The following ADAM22 variants were observed in gnomAD, a reference collection of about 807,000 sequenced individuals.
ADAM22 encodes ADAM metallopeptidase domain 22, also known as disintegrin and metalloproteinase domain-containing protein 22.
In ADAM22, 65 loss-of-function variants were observed where a neutral mutation model predicts 144.6. That is an observed-to-expected ratio of 0.45 (90% CI 0.37 to 0.55). ADAM22 has a LOEUF of 0.55. ADAM22 is among the 20% of genes least tolerant of loss of function. The probability of loss-of-function intolerance (pLI) is 0.00; values close to 1 mark genes in which losing one functional copy is unlikely to be tolerated. For missense variants in ADAM22, 974 were observed against 1,184.9 expected (o/e 0.82, Z 2.61); for synonymous variants, 391 against 412.6 (o/e 0.95, Z 0.63).
chr7:88,145,208 G>A lies in ADAM22; in HGVS notation c.1392+12G>A. On this transcript the variant is annotated intron_variant, in intron 16 of 31. Transcript: ENST00000413139. ...GTGGAACCCCGGCCGTAAGTCTCTG[G>A]TTGTTTTGATGATATTTTCTAGGTA... 4 of 1,613,300 alleles carry A rather than the reference G, an allele frequency of 2.5e-6. No individual in the cohort carries two copies. Among genetic ancestry groups the A allele is most frequent in the Non-Finnish European group, 3.4e-6 (4 of 1,179,638 alleles).
chr7:88,002,130 A>G (rs1456253043), intron 3 of ADAM22, among the ~76,000 whole-genome samples: 1 of 152,208 alleles, frequency 6.6e-6, no homozygotes, highest in East Asian at 1.9e-4. Context: ...AATTTGCAAA[A>G]GAAAAAGGAA....
chr7:87,955,908 C>T (rs1366330240), intron 2 of ADAM22, among the ~76,000 whole-genome samples: 1 of 152,188 alleles, frequency 6.6e-6, no homozygotes, highest in Non-Finnish European at 1.5e-5. Flanking sequence ...AGGGAGACTC[C>T]ATGGGCGTAG....
intron 3 of ADAM22, among the ~76,000 whole-genome samples, chr7:87,999,007 A>G (rs1254464717): frequency 6.6e-6 from 1 of 152,196 alleles, no homozygotes; most frequent in Non-Finnish European, 1.5e-5. Flanking sequence ...TCAACTCCAA[A>G]ACACATCTGG....
intron 3 of ADAM22, among the ~76,000 whole-genome samples, chr7:88,053,921 A>G (rs1807401209): frequency 6.6e-6 from 1 of 152,160 alleles, no homozygotes; most frequent in Non-Finnish European, 1.5e-5. Context: ...ACCTGAGGTC[A>G]GGAGTTCAAG....
chr7:87,948,258 G>A (rs1354103812), intron 2 of ADAM22, among the ~76,000 whole-genome samples: 3 of 152,196 alleles, frequency 2.0e-5, no homozygotes, highest in African/African-American at 4.8e-5. Context: ...TACATTCAGT[G>A]TTGGGAACCA....
At chr7:87,994,261 C>T (rs1218026582) in intron 3 of ADAM22, among the ~76,000 whole-genome samples, 5 of 151,770 alleles carry the variant, frequency 3.3e-5, no homozygotes, top group South Asian at 2.1e-4. Flanking sequence ...TCCTGGTTCA[C>T]GCCATTCTCC....
intron 3 of ADAM22, among the ~76,000 whole-genome samples, chr7:87,985,435 C>G (rs1457525575): frequency 6.6e-6 from 1 of 152,008 alleles, no homozygotes; most frequent in Non-Finnish European, 1.5e-5. Context: ...TTTTTAAATG[C>G]TTTTCATTTT....
chr7:87,985,292 G>A (rs1250373730), intron 3 of ADAM22, among the ~76,000 whole-genome samples: 5 of 149,940 alleles, frequency 3.3e-5, no homozygotes, highest in South Asian at 4.2e-4. Context: ...CATCCTGGGC[G>A]ACAGAGTGAG....
intron 21 of ADAM22, among the ~76,000 whole-genome samples, chr7:88,154,329 T>C (rs1317885953): frequency 1.3e-5 from 2 of 152,180 alleles, no homozygotes; most frequent in Non-Finnish European, 2.9e-5. Flanking sequence ...TCATTTATAT[T>C]CTTCCAAATC....
chr7:88,147,729 T>C (rs1836962722), intron 17 of ADAM22, among the ~76,000 whole-genome samples: 1 of 152,184 alleles, frequency 6.6e-6, no homozygotes, highest in Non-Finnish European at 1.5e-5. Flanking sequence ...TCCCTCCCTA[T>C]TCTTTCTTTT....
chr7:87,973,064 T>C (rs1227630072), intron 2 of ADAM22, among the ~76,000 whole-genome samples: 1 of 152,118 alleles, frequency 6.6e-6, no homozygotes, highest in Non-Finnish European at 1.5e-5. Flanking sequence ...CCCAAAGCAA[T>C]GGCAACAAAA....
At chr7:88,043,098 A>T (rs1230368041) in intron 3 of ADAM22, among the ~76,000 whole-genome samples, 1 of 151,860 alleles carries the variant, frequency 6.6e-6, no homozygotes, top group African/African-American at 2.4e-5. Flanking sequence ...GCAGCTTCAA[A>T]CAATATTGCT....
intron 11 of ADAM22, 75 bp from the exon 12 acceptor site, chr7:88,132,792 A>C: frequency 1.7e-6 from 2 of 1,161,570 alleles, no homozygotes; most frequent in Non-Finnish European, 2.6e-6. Context: ...AAATAAATGT[A>C]GTAAACTAAT....
chr7:87,958,833 T>G (rs890245223), intron 2 of ADAM22, among the ~76,000 whole-genome samples: 3 of 152,222 alleles, frequency 2.0e-5, no homozygotes, highest in African/African-American at 4.8e-5. Context: ...ATTTTTCAAT[T>G]GAAATTTTTG....
chr7:88,016,072 A>G (rs1009719146), intron 3 of ADAM22, among the ~76,000 whole-genome samples: 2 of 152,132 alleles, frequency 1.3e-5, no homozygotes, highest in Non-Finnish European at 2.9e-5. Context: ...ATTGGCTGAT[A>G]TGATTATTAC....
rs558460353 is a variant in ADAM22, at chr7:88,196,886, G to A, written c.*395G>A. The A allele has an allele frequency of 4.7e-6, 1 of 212,402 alleles. No individual in the cohort carries two copies. Among genetic ancestry groups the A allele is most frequent in the Non-Finnish European group, 9.7e-6 (1 of 103,146 alleles). The allele number at this position is 212,402 out of a possible 1,614,324, so 13.2% of individuals were successfully genotyped here. A position where few individuals can be genotyped will look rare whatever the true frequency, so the allele number is the denominator to read the frequency against. On this transcript the variant is annotated 3_prime_UTR_variant, in exon 32 of 32. Coordinates refer to ENST00000413139, the MANE Select transcript of ADAM22 (RefSeq NM_001324418.2). ...CTGAGGCACATCCTCACTGTAAACAGTAATGCTATATGCATGAAGCTTCTG... is the reference window on the plus strand; with the variant it reads ...CTGAGGCACATCCTCACTGTAAACAATAATGCTATATGCATGAAGCTTCTG...
chr7:87,962,335 T>G (rs1848178360), intron 2 of ADAM22, among the ~76,000 whole-genome samples: 1 of 152,188 alleles, frequency 6.6e-6, no homozygotes, highest in African/African-American at 2.4e-5. Flanking sequence ...TCAGGTTTAT[T>G]TTAAATTTGT....
chr7:88,053,112 G>C (rs1201471128), intron 3 of ADAM22, among the ~76,000 whole-genome samples: 3 of 151,994 alleles, frequency 2.0e-5, no homozygotes, highest in African/African-American at 7.3e-5. Context: ...TCTTGAGGGA[G>C]CCCATGTATT....
At chr7:88,109,685 T>G (rs1825481450) in intron 5 of ADAM22, among the ~76,000 whole-genome samples, 1 of 150,486 alleles carries the variant, frequency 6.6e-6, no homozygotes, top group African/African-American at 2.4e-5. Context: ...CATTTCCTGA[T>G]GTGGAACATG....
Sources: gnomAD v4.1 joint callset for allele counts (sites outside exome capture counted in the v4.1 genomes callset) on GRCh38, gnomAD v4.1.1 for gene constraint, MANE v1.5 for transcripts, NCBI Gene and HGNC (gene_info 2026-07-23, HGNC 2026-07-21) for gene names.